MIDEAS: variants seen among roughly 807,000 people sequenced by gnomAD.
MIDEAS encodes the protein mitotic deacetylase-associated SANT domain protein.
A neutral mutation model predicts 102.7 loss-of-function variants in MIDEAS; 26 were observed. The observed-to-expected ratio is 0.25, with a 90% CI of 0.19 to 0.35. MIDEAS has a LOEUF of 0.35. Among genes scored for constraint, MIDEAS ranks in the 10% least tolerant of loss-of-function variants. The pLI, the probability that MIDEAS is intolerant of heterozygous loss-of-function variation, is 1.00. For synonymous variants in MIDEAS, 585 were observed against 591.0 expected, an observed-to-expected ratio of 0.99 and a Z score of 0.15; for missense variants, 1,231 against 1,435.6, an observed-to-expected ratio of 0.86 and a Z score of 2.30.
chr14:73,783,147 A>G (rs1325446300), intron 1 of MIDEAS, among the ~76,000 whole-genome samples: 1 of 152,188 alleles, frequency 6.6e-6, no homozygotes, highest in Non-Finnish European at 1.5e-5. Context: ...TGAACAGGGG[A>G]TATGATCAAA....
intron 10 of MIDEAS, among the ~76,000 whole-genome samples, chr14:73,721,947 G>A (rs1333609160): frequency 2.0e-5 from 3 of 152,306 alleles, no homozygotes; most frequent in East Asian, 3.9e-4. Context: ...GTCACCAAGC[G>A]TGGATTTGCA....
intron 1 of MIDEAS, chr14:73,758,758 T>C (rs898855240): frequency 6.5e-6 from 1 of 154,580 alleles, no homozygotes; most frequent in Non-Finnish European, 1.5e-5. Flanking sequence ...GAGGCTGGGC[T>C]GGGACGGACA....
intron 12 of MIDEAS, 77 bp downstream of exon 12, chr14:73,719,228 T>TCACCCCCCCCCCC: frequency 1.5e-6 from 1 of 645,574 alleles, no homozygotes; most frequent in Non-Finnish European, 2.0e-6. Context: ...CTCTTCCCCC[T>TCACCCCCCCCCCC]CCCCTCCACC....
At position 73,718,154 on chromosome 14, in the gene MIDEAS, C is replaced by A. The variant is rs75068538; in HGVS notation, c.*689G>T. 0.012 allele frequency: 1,894 copies of A among 152,630 alleles called. 108 individuals are homozygous for A. In the East Asian group the frequency reaches 0.17, roughly 14 times the overall value. The allele number at this position is 152,630 out of a possible 1,614,324, so 9.5% of individuals were successfully genotyped here. A position where few individuals can be genotyped will look rare whatever the true frequency, so the allele number is the denominator to read the frequency against. ...TTGGACAAGAACGCTAGCCCCTCCCCCAACGCTGAGAAAACTTTCTAGCCC... is the reference window on the plus strand; with the variant it reads ...TTGGACAAGAACGCTAGCCCCTCCCACAACGCTGAGAAAACTTTCTAGCCC... On this transcript the variant is annotated 3_prime_UTR_variant, in exon 13 of 13. Transcript: ENST00000423556.
upstream of MIDEAS, among the ~76,000 whole-genome samples, chr14:73,762,478 G>T (rs770394699): frequency 2.0e-5 from 3 of 152,146 alleles, no homozygotes; most frequent in Non-Finnish European, 2.9e-5. Flanking sequence ...GGAGAGAGAA[G>T]AAAAGGGGCA....
intron 1 of MIDEAS, among the ~76,000 whole-genome samples, chr14:73,770,591 CACCA>C (rs889869660): frequency 1.3e-5 from 2 of 152,122 alleles, no homozygotes. Flanking sequence ...AAACACCTCT[CACCA>C]AAGAAAGGAA....
At chr14:73,767,550 A>G (rs1428762629) in intron 1 of MIDEAS, among the ~76,000 whole-genome samples, 2 of 152,052 alleles carry the variant, frequency 1.3e-5, no homozygotes. Flanking sequence ...AGGTGGGAGG[A>G]TTGCTTGAGC....
intron 5 of MIDEAS, chr14:73,727,220 C>A: frequency 3.2e-6 from 2 of 623,906 alleles, no homozygotes; most frequent in Non-Finnish European, 5.5e-6. Flanking sequence ...TCTGGACCCC[C>A]CTTTCAACTC....
In MIDEAS at chr14:73,726,857, C is replaced by T. The variant is rs929887076; in HGVS notation, c.2278G>A (p.Glu760Lys). Residue 760 changes from glutamate to lysine, a missense_variant, in exon 6 of 13, where the codon GAG becomes AAG. By Grantham distance (56) the Glu-to-Lys change is moderately conservative (BLOSUM62 1). Transcript: ENST00000423556. Reference sequence around the variant, plus strand: ...TGCCTCTGCTTCTCCCGGCTGCTCTCTAGGTCCTCCCATGGCTGCCACACC... The same window carrying T: ...TGCCTCTGCTTCTCCCGGCTGCTCTTTAGGTCCTCCCATGGCTGCCACACC... ...DLVWQPWEDL[E>K]SSREKQRQVE... 4.4e-5 allele frequency: 71 copies of T among 1,612,290 alleles called. No homozygotes were observed. Among genetic ancestry groups the T allele is most frequent in the Non-Finnish European group, 5.8e-5 (68 of 1,178,696 alleles).
At chr14:73,769,293 G>C (rs746582087) in intron 1 of MIDEAS, among the ~76,000 whole-genome samples, 1 of 152,262 alleles carries the variant, frequency 6.6e-6, no homozygotes, top group Non-Finnish European at 1.5e-5. Context: ...CAGGAAAGTG[G>C]TTCAAGGAGA....
intron 1 of MIDEAS, among the ~76,000 whole-genome samples, chr14:73,755,183 G>A (rs1453469124): frequency 1.3e-5 from 2 of 152,176 alleles, no homozygotes; most frequent in Non-Finnish European, 2.9e-5. Context: ...CACAGCACGA[G>A]GCTGTGTTCC....
intron 10 of MIDEAS, chr14:73,722,419 CAGTGTT>C (rs777344258): frequency 2.1e-5 from 5 of 233,336 alleles, no homozygotes; most frequent in Non-Finnish European, 4.2e-5. Flanking sequence ...GTTTGAGAAA[CAGTGTT>C]AGAGGTCTGC....
rs748276222 is a variant in MIDEAS, at chr14:73,737,264, C to G, written c.1483G>C (p.Val495Leu). ...GSGSEEKRKS[V>L]LASTTKCGVE... ...CCACACTTGGTAGTTGAGGCCAATA[C>G]ACTTTTCCGCTTCTCTTCAGAACCA... is the stretch of plus-strand genomic sequence containing the variant. Residue 495 changes from valine to leucine, a missense_variant, in exon 3 of 13, where the codon GTA (valine) becomes CTA (leucine). Around this residue, in one of 5 missense-constraint regions of MIDEAS, gnomAD observed 758 missense variants for 856.0 expected, o/e 0.89. Coordinates refer to ENST00000423556, the MANE Select transcript of MIDEAS (RefSeq NM_001367710.1). 6 of 1,612,682 alleles carry G rather than the reference C, an allele frequency of 3.7e-6. No individual in the cohort carries two copies. Among genetic ancestry groups the G allele is most frequent in the Admixed American group, 1.7e-5 (1 of 59,976 alleles).
chr14:73,745,196 G>T (rs558861780), intron 1 of MIDEAS, among the ~76,000 whole-genome samples: 1 of 152,162 alleles, frequency 6.6e-6, no homozygotes, highest in African/African-American at 2.4e-5. Context: ...GGCCCAGCCC[G>T]GGATCCCACC....
chr14:73,719,323 G>A lies in MIDEAS; in HGVS notation c.3116C>T (p.Pro1039Leu). 1 of 1,612,152 alleles carries A rather than the reference G, an allele frequency of 6.2e-7. No individual in the cohort carries two copies. The highest frequency in any genetic ancestry group is 8.5e-7 in the Non-Finnish European group (1 of 1,179,120). ...ACCTTACCTGCCACATTTTTTACAG[G>A]GGAAAGTGTTCTCCTGATTCTGGGT... ...SKTQNQENTF[P>L]CKKCGRVFYK... The change falls in exon 12 of 13, where the codon CCC becomes CTC. Residue 1039 changes from proline (P) to leucine (L), a missense_variant. Physicochemically the swap from Pro to Leu is moderately conservative, Grantham distance 98 (BLOSUM62 -3). Around this residue, in one of 5 missense-constraint regions of MIDEAS, gnomAD observed 391 missense variants for 483.0 expected, o/e 0.81. Coordinates refer to ENST00000423556, the MANE Select transcript of MIDEAS (RefSeq NM_001367710.1).
Position 73,739,814 on chromosome 14 carries a change from G to A in MIDEAS, c.195C>T (p.Pro65=). Residue 65 remains proline, a synonymous_variant, in exon 2 of 13, where the codon CCC becomes CCT. Coordinates refer to ENST00000423556, the MANE Select transcript of MIDEAS (RefSeq NM_001367710.1). Reference sequence around the variant, plus strand: ...TCAGCAGGGCCAGGCTGCTAGGAGGGGGCAGTTCCACAGGCTGAGAGGTGG... The same window carrying A: ...TCAGCAGGGCCAGGCTGCTAGGAGGAGGCAGTTCCACAGGCTGAGAGGTGG... The part of the protein sequence containing the change: ...AVSTSQPVEL[P]PPSSLALLNS... The A allele has an allele frequency of 6.2e-7, 1 of 1,612,578 alleles. No homozygotes were observed.
At chr14:73,732,345 T>G (rs2053149268) in intron 3 of MIDEAS, among the ~76,000 whole-genome samples, 2 of 150,562 alleles carry the variant, frequency 1.3e-5, no homozygotes, top group South Asian at 4.2e-4. Flanking sequence ...AGCCAAGATC[T>G]AGGTGAAAAA....
intron 9 of MIDEAS, chr14:73,723,293 TGCC>T (rs1477149411): frequency 6.4e-6 from 1 of 155,466 alleles, no homozygotes; most frequent in African/African-American, 2.4e-5. Flanking sequence ...TACAGGTGTG[TGCC>T]ACCACAACCA....
intron 1 of MIDEAS, among the ~76,000 whole-genome samples, chr14:73,747,288 G>C (rs1224157200): frequency 1.3e-5 from 2 of 152,194 alleles, no homozygotes; most frequent in Non-Finnish European, 2.9e-5. Flanking sequence ...TAACCAACCA[G>C]ATGTCTGGTC....
Sources: gnomAD v4.1 joint callset for allele counts (sites outside exome capture counted in the v4.1 genomes callset) on GRCh38, gnomAD v4.1.1 for gene constraint, gnomAD v4.1.1 regional missense constraint, MANE v1.5 for transcripts, NCBI Gene and HGNC (gene_info 2026-07-23, HGNC 2026-07-21) for gene names.